Variants in CTNNA2 observed in about 807,000 individuals in gnomAD.
The protein encoded by CTNNA2 is catenin alpha-2.
A neutral mutation model predicts 101.0 loss-of-function variants in CTNNA2; 42 were observed. The observed-to-expected ratio is 0.42, with a 90% confidence interval of 0.32 to 0.54. The LOEUF (loss-of-function observed/expected upper bound fraction) is 0.54. Ranked by LOEUF, CTNNA2 falls within the 20% of genes least tolerant of loss-of-function variation. The pLI is 0.14. For synonymous variants in CTNNA2, 450 were observed against 456.4 expected, an observed-to-expected ratio of 0.99 and a Z score of 0.18; for missense variants, 871 against 1,223.1, an observed-to-expected ratio of 0.71 and a Z score of 4.29.
intron 2 of CTNNA2, among the ~76,000 whole-genome samples, chr2:79,242,534 C>T (rs1674640095): frequency 6.6e-6 from 1 of 152,090 alleles, no homozygotes; most frequent in Non-Finnish European, 1.5e-5. Flanking sequence ...TCTCTCAACA[C>T]TTTAGCACTC....
chr2:79,925,810 A>T (rs1233060933), intron 7 of CTNNA2, among the ~76,000 whole-genome samples: 1 of 152,110 alleles, frequency 6.6e-6, no homozygotes, highest in Non-Finnish European at 1.5e-5. Flanking sequence ...GTATTTGGAA[A>T]AAAACCAGAT....
intron 7 of CTNNA2, among the ~76,000 whole-genome samples, chr2:80,308,340 A>C (rs2149221493): frequency 6.6e-6 from 1 of 152,294 alleles, no homozygotes; most frequent in East Asian, 1.9e-4. Flanking sequence ...TTGAGTGATT[A>C]TTTTAATGTT....
chr2:79,240,622 G>A (rs1229165849), intron 2 of CTNNA2, among the ~76,000 whole-genome samples: 1 of 152,092 alleles, frequency 6.6e-6, no homozygotes, highest in Non-Finnish European at 1.5e-5. Flanking sequence ...CTATAAATAT[G>A]TGATAAAATC....
chr2:80,289,683 ACTG>A (rs2149175886), intron 7 of CTNNA2, among the ~76,000 whole-genome samples: 1 of 152,280 alleles, frequency 6.6e-6, no homozygotes, highest in East Asian at 1.9e-4. Context: ...CAAGGCAGCC[ACTG>A]ATATGACCAT....
intron 9 of CTNNA2, among the ~76,000 whole-genome samples, chr2:80,463,709 T>C (rs991295708): frequency 6.6e-6 from 1 of 152,188 alleles, no homozygotes; most frequent in African/African-American, 2.4e-5. Flanking sequence ...TCCTGTGAAG[T>C]AGATCTTCAT....
chr2:80,306,434 TTC>T (rs1198150757), intron 7 of CTNNA2, among the ~76,000 whole-genome samples: 1 of 147,870 alleles, frequency 6.8e-6, no homozygotes, highest in Non-Finnish European at 1.5e-5. Flanking sequence ...CTTTCTTTCT[TTC>T]TTTCTTTCTT....
intron 3 of CTNNA2, among the ~76,000 whole-genome samples, chr2:79,768,529 C>T (rs1673332895): frequency 6.6e-6 from 1 of 151,712 alleles, no homozygotes; most frequent in African/African-American, 2.4e-5. Flanking sequence ...TCCTCCCCAG[C>T]TTTCTTGTCT....
chr2:80,643,817 A>G (rs1434526570), intron 18 of CTNNA2, among the ~76,000 whole-genome samples: 2 of 152,176 alleles, frequency 1.3e-5, no homozygotes, highest in Non-Finnish European at 2.9e-5. Context: ...AGGGTGACTC[A>G]AGGCCAGGAA....
rs531358305 is a variant in CTNNA2, at chr2:79,686,138, G to A, written c.102+34480G>A. Among the ~76,000 whole-genome samples, 10 of 152,190 alleles carry A rather than the reference G, an allele frequency of 6.6e-5. No individual in the cohort carries two copies. The East Asian group carries it at 1.5e-3, about 24-fold the overall frequency. On this transcript the variant is annotated intron_variant, in intron 2 of 18. Transcript: ENST00000402739. ...AAACGTAAAAAAATTAGTTTGGCTG[G>A]TAGACCCATTGCAGGGAAAGTCATG...
At chr2:79,735,130 C>A (rs1670777960) in intron 2 of CTNNA2, among the ~76,000 whole-genome samples, 1 of 151,522 alleles carries the variant, frequency 6.6e-6, no homozygotes, top group Non-Finnish European at 1.5e-5. Context: ...ATGTTTCTCT[C>A]ATGTAAGCTT....
chr2:80,237,982 C>T (rs990068294), intron 7 of CTNNA2, among the ~76,000 whole-genome samples: 2 of 149,966 alleles, frequency 1.3e-5, no homozygotes, highest in South Asian at 2.1e-4. Flanking sequence ...CTTTTTCTTG[C>T]TCCCCCTAGC....
chr2:79,409,073 GTT>G (rs908735828), intron 4 of CTNNA2, among the ~76,000 whole-genome samples: 16 of 152,184 alleles, frequency 1.1e-4, no homozygotes, highest in South Asian at 2.1e-4. Context: ...TTTTTCATGT[GTT>G]TTTTGGCTGC....
chr2:80,320,220 G>A (rs964633296), intron 7 of CTNNA2, among the ~76,000 whole-genome samples: 1 of 152,328 alleles, frequency 6.6e-6, no homozygotes, highest in African/African-American at 2.4e-5. Flanking sequence ...TGGTTTCACA[G>A]GTACATTCTG....
chr2:79,920,278 C>T (rs1333297476), intron 7 of CTNNA2, among the ~76,000 whole-genome samples: 1 of 152,142 alleles, frequency 6.6e-6, no homozygotes, highest in East Asian at 1.9e-4. Context: ...GCTGCTTCTC[C>T]TCCCACCAAG....
intron 3 of CTNNA2, among the ~76,000 whole-genome samples, chr2:79,837,544 A>G (rs1199580403): frequency 2.6e-5 from 4 of 152,144 alleles, no homozygotes; most frequent in Admixed American, 6.5e-5. Context: ...GAATAATACC[A>G]TGTGCCAATG....
At chr2:79,927,511 A>T (rs2916528) in intron 7 of CTNNA2, among the ~76,000 whole-genome samples, 141,551 of 152,212 alleles carry the variant, frequency 0.93, 65,902 homozygotes, top group African/African-American at 0.96. Context: ...AATAACCTGA[A>T]GATGGATTTT....
rs189460537 is a variant in CTNNA2 at position 79,215,273 on chromosome 2, T to C, written c.-406+17197T>C. On this transcript the variant is annotated intron_variant, in intron 2 of 21. Coordinates refer to the CTNNA2 transcript ENST00000466387. ...GGCCTGGTTGCCAGATTTCTGGCAC[T>C]TGTAGCAAGCTCCTGGGAGAGGCGG... Among the ~76,000 whole-genome samples, 347 of 152,300 alleles carry C rather than the reference T, an allele frequency of 2.3e-3. 8 individuals are homozygous for C. Among genetic ancestry groups the C allele is most frequent in the Non-Finnish European group, 7.5e-4 (51 of 68,028 alleles).
At chr2:79,630,382 A>G (rs1416962677) in intron 1 of CTNNA2, among the ~76,000 whole-genome samples, 1 of 152,256 alleles carries the variant, frequency 6.6e-6, no homozygotes, top group Non-Finnish European at 1.5e-5. Context: ...GTGGGAGACC[A>G]TCAGAGAATT....
intron 5 of CTNNA2, among the ~76,000 whole-genome samples, chr2:79,506,804 T>C (rs1294016492): frequency 6.6e-6 from 1 of 152,190 alleles, no homozygotes; most frequent in Admixed American, 6.5e-5. Context: ...TTCAGGACTG[T>C]TTGTGAAATA....
Sources: gnomAD v4.1 joint callset for allele counts (sites outside exome capture counted in the v4.1 genomes callset) on GRCh38, gnomAD v4.1.1 for gene constraint, MANE v1.5 for transcripts, NCBI Gene and HGNC (gene_info 2026-07-23, HGNC 2026-07-21) for gene names.